SCMH1: variants seen among roughly 807,000 people sequenced by gnomAD.
SCMH1 encodes Scm polycomb group protein homolog 1, also known as polycomb protein SCMH1.
A neutral mutation model predicts 70.8 loss-of-function variants in SCMH1; 37 were observed. The ratio of observed to expected loss-of-function variants is 0.52; its 90% CI spans 0.40 to 0.69. SCMH1 has a LOEUF of 0.69. Among genes scored for constraint, SCMH1 ranks in the 30% least tolerant of loss-of-function variants. The probability of loss-of-function intolerance (pLI) is 0.00; values close to 1 mark genes in which losing one functional copy is unlikely to be tolerated. For missense variants in SCMH1, 607 were observed against 827.3 expected (o/e 0.73, Z 3.27); for synonymous variants, 292 against 307.4 (o/e 0.95, Z 0.52).
chr1:41,187,190 C>T (rs35992757), intron 1 of SCMH1, among the ~76,000 whole-genome samples: 16,454 of 152,120 alleles, frequency 0.11, 1,263 homozygotes, highest in East Asian at 0.27. Flanking sequence ...TGGCCAGACA[C>T]GGTGGCTCAC....
chr1:41,217,945 T>C (rs546496599), intron 1 of SCMH1, among the ~76,000 whole-genome samples: 1 of 152,346 alleles, frequency 6.6e-6, no homozygotes, highest in South Asian at 2.1e-4. Context: ...TGGCAATGTC[T>C]TTCCTATGCC....
Position 41,231,074 on chromosome 1 carries a change from C to T in SCMH1, c.-118+10985G>A, listed in dbSNP as rs1471757491. Among the ~76,000 whole-genome samples the T allele has an allele frequency of 3.9e-5, 6 of 152,114 alleles. No homozygotes were observed. The South Asian group carries it at 1.2e-3, about 32-fold the overall frequency. On this transcript the variant is annotated intron_variant, in intron 1 of 14. Coordinates refer to ENST00000337495, the Ensembl canonical transcript of SCMH1. ...GAACAGAACAGTAGAATTCTATATA[C>T]CATGTTAAGAGGTTGGCCGTCTTTA... is the stretch of plus-strand genomic sequence containing the variant.
In SCMH1 at chr1:41,062,450, A is replaced by T. The variant is rs181938204; in HGVS notation, c.1105+8145T>A. ...AAAACCCTGTCTCTACTAAAAATAT[A>T]AAAAAATTAGGCTGGGTGCCTTGGC... is the stretch of plus-strand genomic sequence containing the variant. On this transcript the variant is annotated intron_variant, in intron 10 of 14. Coordinates refer to ENST00000337495, the Ensembl canonical transcript of SCMH1. Among the ~76,000 whole-genome samples, 358 of 152,040 alleles carry T rather than the reference A, an allele frequency of 2.4e-3. 1 individual carries two copies. Among genetic ancestry groups the T allele is most frequent in the Non-Finnish European group, 2.6e-3 (179 of 67,958 alleles).
chr1:41,033,725 C>T (rs1457134333), intron 13 of SCMH1, among the ~76,000 whole-genome samples: 1 of 152,202 alleles, frequency 6.6e-6, no homozygotes, highest in Non-Finnish European at 1.5e-5. Flanking sequence ...GACTCAACAT[C>T]CAAATTCTTT....
chr1:41,163,619 A>G (rs1246121512), intron 2 of SCMH1, among the ~76,000 whole-genome samples: 1 of 152,240 alleles, frequency 6.6e-6, no homozygotes, highest in African/African-American at 2.4e-5. Context: ...CAGAGAAAAT[A>G]TCATGTAATC....
chr1:41,161,389 T>C (rs1435992608), exon 3 of SCMH1: 42 of 1,550,636 alleles, frequency 2.7e-5, no homozygotes, highest in Non-Finnish European at 3.5e-5. Flanking sequence ...CAGACTCTGA[T>C]AGGTGACCAT....
At chr1:41,173,438 G>C (rs1646914248) in intron 2 of SCMH1, among the ~76,000 whole-genome samples, 1 of 152,074 alleles carries the variant, frequency 6.6e-6, no homozygotes, top group African/African-American at 2.4e-5. Context: ...CCTAGTTACA[G>C]TGGCTACTAG....
chr1:41,093,666 G>C (rs1572042660), intron 8 of SCMH1, among the ~76,000 whole-genome samples: 1 of 151,890 alleles, frequency 6.6e-6, no homozygotes, highest in South Asian at 2.1e-4. Flanking sequence ...TCATGCATTG[G>C]TCATTTGTAA....
At chr1:41,193,011 A>T (rs1225014665) in intron 1 of SCMH1, among the ~76,000 whole-genome samples, 1 of 152,218 alleles carries the variant, frequency 6.6e-6, no homozygotes, top group Non-Finnish European at 1.5e-5. Context: ...ATACACTAAC[A>T]AATGAACATG....
chr1:41,051,801 C>T (rs1374946951), intron 10 of SCMH1, among the ~76,000 whole-genome samples: 1 of 152,020 alleles, frequency 6.6e-6, no homozygotes, highest in Admixed American at 6.5e-5. Context: ...AAAAAAGTTA[C>T]AGTACGCTAA....
At chr1:41,182,718 A>C (rs1649151314) in intron 2 of SCMH1, among the ~76,000 whole-genome samples, 2 of 152,186 alleles carry the variant, frequency 1.3e-5, no homozygotes, top group South Asian at 4.1e-4. Flanking sequence ...CTTAAAAACA[A>C]AAAAAGACAA....
At chr1:41,034,730 G>C (rs964783197) in intron 13 of SCMH1, among the ~76,000 whole-genome samples, 1 of 152,138 alleles carries the variant, frequency 6.6e-6, no homozygotes, top group South Asian at 2.1e-4. Context: ...TCAGGGTGTG[G>C]AAGTGACATT....
chr1:41,093,470 T>C (rs559009968), intron 8 of SCMH1, among the ~76,000 whole-genome samples: 61 of 152,210 alleles, frequency 4.0e-4, no homozygotes, highest in Admixed American at 8.5e-4. Flanking sequence ...TGTATACATA[T>C]GTAACAAACC....
At chr1:41,212,861 G>A (rs1287499898) in intron 1 of SCMH1, among the ~76,000 whole-genome samples, 1 of 151,940 alleles carries the variant, frequency 6.6e-6, no homozygotes, top group Non-Finnish European at 1.5e-5. Flanking sequence ...GGGCAACAAA[G>A]TGAGACTCTG....
At chr1:41,124,958 A>C (rs1474360915) in intron 6 of SCMH1, among the ~76,000 whole-genome samples, 1 of 152,146 alleles carries the variant, frequency 6.6e-6, no homozygotes, top group Admixed American at 6.5e-5. Context: ...TCTCATTGCA[A>C]TACTGCAGGA....
intron 6 of SCMH1, among the ~76,000 whole-genome samples, chr1:41,119,962 T>C (rs1425612371): frequency 6.6e-6 from 1 of 152,160 alleles, no homozygotes; most frequent in South Asian, 2.1e-4. Context: ...GGTGTTTATG[T>C]GGGAAAACAA....
At position 41,172,184 on chromosome 1, in the gene SCMH1, C is replaced by CAA. The variant is rs377457192; in HGVS notation, c.14-10754_14-10753dup. On this transcript the variant is annotated intron_variant, in intron 2 of 14. Transcript: ENST00000337495. ...TGGGCGACAGAGCGAGACTCCATCT[C>CAA]AAAAAAAAAAAAAAAAACGCTGTAC... Among the ~76,000 whole-genome samples the CAA allele has an allele frequency of 5.4e-3, 467 of 85,722 alleles. 24 individuals carry two copies. The East Asian group carries it at 0.13, about 23-fold the overall frequency. The allele number at this position is 85,722 out of a possible 152,430, so 56.2% of individuals were successfully genotyped here. A position where few individuals can be genotyped will look rare whatever the true frequency, so the allele number is the denominator to read the frequency against.
At chr1:41,124,069 A>T (rs1463149408) in intron 6 of SCMH1, among the ~76,000 whole-genome samples, 1 of 152,018 alleles carries the variant, frequency 6.6e-6, no homozygotes, top group African/African-American at 2.4e-5. Context: ...TATTTTTTTA[A>T]TTTTATTTTG....
intron 6 of SCMH1, among the ~76,000 whole-genome samples, chr1:41,117,641 T>C (rs1308873653): frequency 2.0e-5 from 3 of 152,232 alleles, no homozygotes; most frequent in South Asian, 2.1e-4. Context: ...ATGTTCCTAG[T>C]TCGCCTTCAT....
Sources: gnomAD v4.1 joint callset for allele counts (sites outside exome capture counted in the v4.1 genomes callset) on GRCh38, gnomAD v4.1.1 for gene constraint, MANE v1.5 for transcripts, NCBI Gene and HGNC (gene_info 2026-07-23, HGNC 2026-07-21) for gene names.